The following PHTF1 variants were observed in gnomAD, a reference collection of about 807,000 sequenced individuals.
PHTF1 encodes the protein protein PHTF1.
In PHTF1, 88 loss-of-function variants were observed where a neutral mutation model predicts 102.4. That is an observed-to-expected ratio of 0.86 (90% CI 0.72 to 1.03). PHTF1 has a LOEUF of 1.03. PHTF1 is among the 50% of genes least tolerant of loss of function. The pLI, the probability that PHTF1 is intolerant of heterozygous loss-of-function variation, is 0.00. For missense variants in PHTF1, 814 were observed against 909.5 expected (o/e 0.89, Z 1.35); for synonymous variants, 289 against 305.2 (o/e 0.95, Z 0.55).
At chr1:113,732,574 G>T (rs1458225697) in intron 5 of PHTF1, among the ~76,000 whole-genome samples, 2 of 152,138 alleles carry the variant, frequency 1.3e-5, no homozygotes, top group East Asian at 3.8e-4. Context: ...GTGTGGCATA[G>T]ATATGAGAAT....
At chr1:113,733,271 C>T (rs912142385) in intron 5 of PHTF1, among the ~76,000 whole-genome samples, 3 of 151,766 alleles carry the variant, frequency 2.0e-5, no homozygotes, top group Admixed American at 2.0e-4. Flanking sequence ...TCATCTATTG[C>T]TTTCCAAAAC....
At chr1:113,740,894 G>A (rs1656246827) in intron 3 of PHTF1, among the ~76,000 whole-genome samples, 1 of 152,098 alleles carries the variant, frequency 6.6e-6, no homozygotes, top group Non-Finnish European at 1.5e-5. Context: ...AGCTGGGCAT[G>A]GTGGCGGGCA....
Position 113,698,289 on chromosome 1 carries a change from T to C in PHTF1, c.2241A>G (p.Ile747Met). Reference protein sequence around the residue: ...VVILSAVSGVISDLLGFNIRL... With the variant: ...VVILSAVSGVMSDLLGFNIRL... ...TTATATTAAATCCTAGAAGATCACT[T>C]ATAACACCTGAGACAGCAGAAAGGA... The change falls in exon 18 of 19, where the codon ATA becomes ATG. Residue 747 changes from isoleucine to methionine, a missense_variant. Transcript: ENST00000369604. 1 of 1,608,766 alleles carries C rather than the reference T, an allele frequency of 6.2e-7. No individual in the cohort carries two copies. Among genetic ancestry groups the C allele is most frequent in the Non-Finnish European group, 8.5e-7 (1 of 1,175,562 alleles).
In PHTF1 at chr1:113,699,716, G is replaced by C; in HGVS notation, c.2130C>G (p.Thr710=). ...TLVNNVLKLS[T]KLLKELDTPF... ...GCCTATGACTTACTTTCAACAACTTGGTGGACAGCTTTAATACATTGTTTA... is the reference window on the plus strand; with the variant it reads ...GCCTATGACTTACTTTCAACAACTTCGTGGACAGCTTTAATACATTGTTTA... Residue 710 remains threonine (T), a synonymous_variant, in exon 17 of 19, where the codon ACC becomes ACG. Coordinates refer to ENST00000369604, the MANE Select transcript of PHTF1 (RefSeq NM_001323043.2). The C allele has an allele frequency of 7.1e-7, 1 of 1,415,718 alleles. No individual in the cohort carries two copies. The highest frequency in any genetic ancestry group is 9.9e-7 in the Non-Finnish European group (1 of 1,011,814). The allele number at this position is 1,415,718 out of a possible 1,614,324, so 87.7% of individuals were successfully genotyped here. A position where few individuals can be genotyped will look rare whatever the true frequency, so the allele number is the denominator to read the frequency against.
At chr1:113,721,711 A>G (rs2101363635) in intron 7 of PHTF1, among the ~76,000 whole-genome samples, 1 of 152,222 alleles carries the variant, frequency 6.6e-6, no homozygotes, top group East Asian at 1.9e-4. Context: ...TTTTTTTGAG[A>G]CAGAGTCTTG....
rs1291372165 is a variant in PHTF1, at chr1:113,726,498, T to C, written c.408A>G (p.Leu136=). Residue 136 remains leucine, a synonymous_variant, in exon 6 of 19, where the codon CTA becomes CTG. Coordinates refer to ENST00000369604, the MANE Select transcript of PHTF1 (RefSeq NM_001323043.2). ...SEVLGPLCLM[L]LMGTVHCQIV... ...TTTGACAGTGGACAGTTCCCATGAG[T>C]AGCATAAGGCACAAGGGTCCAAGTA... is the stretch of plus-strand genomic sequence containing the variant. 1.2e-6 allele frequency: 2 copies of C among 1,608,954 alleles called. No homozygotes were observed. Among genetic ancestry groups the C allele is most frequent in the South Asian group, 2.2e-5 (2 of 90,754 alleles).
chr1:113,700,060 C>T, intron 16 of PHTF1: 1 of 1,121,440 alleles, frequency 8.9e-7, no homozygotes, highest in Non-Finnish European at 1.1e-6. Flanking sequence ...TTTAATATTA[C>T]TTGCAACATA....
At chr1:113,707,359 T>C (rs1420312979) in intron 11 of PHTF1, among the ~76,000 whole-genome samples, 1 of 152,196 alleles carries the variant, frequency 6.6e-6, no homozygotes, top group African/African-American at 2.4e-5. Context: ...TCCTCTGCCA[T>C]ATCATGTCTT....
rs372335769 is a variant in PHTF1 at position 113,757,760 on chromosome 1, A to G, written c.46-5T>C. 2.9e-5 allele frequency: 46 copies of G among 1,579,442 alleles called. No homozygotes were observed. In the African/African-American group the frequency reaches 5.7e-4, roughly 19 times the overall value. ...CTGCTGATCGTAGGCTCCAATCTGA[A>G]AGAGGGAGTAGTCTATTAGTTAAAC... On this transcript the variant is annotated splice_region_variant and splice_polypyrimidine_tract_variant and intron_variant, in intron 2 of 18. Transcript: ENST00000369604.
intron 7 of PHTF1, among the ~76,000 whole-genome samples, chr1:113,721,699 C>CT (rs546788470): frequency 1.3e-4 from 19 of 151,876 alleles, no homozygotes; most frequent in Non-Finnish European, 2.1e-4. Context: ...AATAGCATTT[C>CT]TTTTTTTTGA....
At chr1:113,710,810 A>ATTTT (rs71590573) in intron 10 of PHTF1, among the ~76,000 whole-genome samples, 2 of 122,688 alleles carry the variant, frequency 1.6e-5, no homozygotes, top group Non-Finnish European at 1.7e-5. Context: ...ATATATATAT[A>ATTTT]TTTTTTTTTT....
intron 3 of PHTF1, among the ~76,000 whole-genome samples, chr1:113,739,320 A>T (rs1655985899): frequency 6.6e-6 from 1 of 152,186 alleles, no homozygotes; most frequent in Non-Finnish European, 1.5e-5. Flanking sequence ...AATATACTTT[A>T]TCACTTTTTA....
At chr1:113,757,833 A>T (rs895942082) in intron 2 of PHTF1, 78 bp from the exon 3 acceptor site, 4 of 920,874 alleles carry the variant, frequency 4.3e-6, no homozygotes, top group African/African-American at 3.3e-5. Context: ...CATAAAAGTC[A>T]TGAGCCTATT....
chr1:113,753,913 C>T (rs922913182), intron 3 of PHTF1, among the ~76,000 whole-genome samples: 3 of 151,574 alleles, frequency 2.0e-5, no homozygotes, highest in Non-Finnish European at 4.4e-5. Context: ...TCAAACGATC[C>T]TCCCACTTTG....
At chr1:113,737,700 G>A (rs2101594186) in intron 5 of PHTF1, among the ~76,000 whole-genome samples, 1 of 152,330 alleles carries the variant, frequency 6.6e-6, no homozygotes, top group South Asian at 2.1e-4. Context: ...TTGGGTGGCT[G>A]AGGTGGAAGG....
chr1:113,709,456 A>AT (rs1416250656), intron 11 of PHTF1, among the ~76,000 whole-genome samples: 5 of 152,222 alleles, frequency 3.3e-5, no homozygotes, highest in Non-Finnish European at 7.4e-5. Flanking sequence ...CCTAAGAATC[A>AT]TAACAATCAT....
At chr1:113,702,663 A>G (rs978850975) in intron 15 of PHTF1, among the ~76,000 whole-genome samples, 1 of 152,178 alleles carries the variant, frequency 6.6e-6, no homozygotes, top group Non-Finnish European at 1.5e-5. Flanking sequence ...AGGAAGAAGA[A>G]GAACGAATGA....
chr1:113,704,867 G>A (rs1649894805), intron 13 of PHTF1, 70 bp from the exon 14 acceptor site: 16 of 986,096 alleles, frequency 1.6e-5, no homozygotes, highest in South Asian at 3.2e-5. Context: ...AATTGCCAAC[G>A]ATATTCCCAG....
rs763202838 is a variant in PHTF1, at chr1:113,705,873, C to T, written c.1671+17G>A. The T allele has an allele frequency of 5.6e-6, 9 of 1,594,292 alleles. No homozygotes were observed. The African/African-American group carries it at 1.1e-4, about 19-fold the overall frequency. ...ATACAAAAACAGGTAAAAAATTTTCCTTATTTCTCCACTGACCTGTTTATA... is the reference window on the plus strand; with the variant it reads ...ATACAAAAACAGGTAAAAAATTTTCTTTATTTCTCCACTGACCTGTTTATA... On this transcript the variant is annotated intron_variant, in intron 13 of 18. Transcript: ENST00000369604.
Sources: allele counts gnomAD v4.1 joint callset (sites outside exome capture counted in the v4.1 genomes callset), GRCh38; gene constraint gnomAD v4.1.1; transcripts MANE v1.5; gene names NCBI Gene and HGNC (gene_info 2026-07-23, HGNC 2026-07-21).